The following KIRREL1 variants were observed in gnomAD, a reference collection of about 807,000 sequenced individuals.
The protein encoded by KIRREL1 is kirre like nephrin family adhesion molecule 1.
In KIRREL1, 25 loss-of-function variants were observed where a neutral mutation model predicts 83.3. The observed-to-expected ratio is 0.30, with a 90% CI of 0.22 to 0.42. The LOEUF (loss-of-function observed/expected upper bound fraction) is 0.42. Ranked by LOEUF, KIRREL1 falls within the 10% of genes least tolerant of loss-of-function variation. The probability of loss-of-function intolerance (pLI) is 1.00; values close to 1 mark genes in which losing one functional copy is unlikely to be tolerated. For missense variants in KIRREL1, 812 were observed against 1,032.3 expected (o/e 0.79, Z 2.92); for synonymous variants, 388 against 410.4 (o/e 0.95, Z 0.66).
intron 3 of KIRREL1, among the ~76,000 whole-genome samples, chr1:158,083,385 G>A (rs1570990622): frequency 6.6e-6 from 1 of 152,252 alleles, no homozygotes. Flanking sequence ...GCTACAGCAT[G>A]GAAAGCCTTG....
At chr1:158,029,366 T>TGTGTGTGTGTGTGTGTGCGCGCGCGC (rs1553238087) in intron 1 of KIRREL1, among the ~76,000 whole-genome samples, 6 of 148,930 alleles carry the variant, frequency 4.0e-5, no homozygotes, top group African/African-American at 1.5e-4. Flanking sequence ...TGTGTGTGTG[T>TGTGTGTGTGTGTGTGTGCGCGCGCGC]GCACGTGCGC....
Position 158,094,410 on chromosome 1 carries a change from C to T in KIRREL1, c.1797+20C>T. ...ATGAAGGTGGGAAAGGGGGAAGGGG[C>T]CAGGGCATGAGGGCTGGTGGGCCAG... On this transcript the variant is annotated intron_variant, in intron 14 of 14. Transcript: ENST00000359209. The surrounding 1 kb of genome is among the most constrained non-coding windows in gnomAD (Gnocchi z 4.6). 1 of 1,608,800 alleles carries T rather than the reference C, an allele frequency of 6.2e-7. No homozygotes were observed. The highest frequency in any genetic ancestry group is 8.5e-7 in the Non-Finnish European group (1 of 1,176,924).
chr1:158,011,567 G>A (rs1659688105), intron 1 of KIRREL1, among the ~76,000 whole-genome samples: 1 of 152,198 alleles, frequency 6.6e-6, no homozygotes, highest in African/African-American at 2.4e-5. Context: ...GAGGCCTAGG[G>A]GAAGTAGAGG....
chr1:158,014,077 G>A (rs1245878530), intron 1 of KIRREL1, among the ~76,000 whole-genome samples: 1 of 152,068 alleles, frequency 6.6e-6, no homozygotes, highest in Non-Finnish European at 1.5e-5. Context: ...AGAGGGCTTA[G>A]TAAGAAGGCA....
At chr1:158,003,608 C>T (rs575763034) in intron 1 of KIRREL1, among the ~76,000 whole-genome samples, 3 of 152,240 alleles carry the variant, frequency 2.0e-5, no homozygotes, top group East Asian at 1.9e-4. Context: ...GTGCTGCCAG[C>T]GCCAGAACCC....
intron 1 of KIRREL1, among the ~76,000 whole-genome samples, chr1:158,073,567 T>G (rs1661581198): frequency 6.6e-6 from 1 of 152,190 alleles, no homozygotes; most frequent in African/African-American, 2.4e-5. Flanking sequence ...CCAAGGTCAC[T>G]GGGTGAGAAA....
intron 10 of KIRREL1, 134 bp downstream of exon 10, chr1:158,089,952 G>T (rs1226403104): frequency 4.2e-6 from 3 of 721,892 alleles, no homozygotes; most frequent in Admixed American, 2.1e-5. Context: ...TCTGCTTTCT[G>T]TCCCTCTGTC....
At chr1:158,014,178 G>T (rs1466072621) in intron 1 of KIRREL1, among the ~76,000 whole-genome samples, 1 of 151,960 alleles carries the variant, frequency 6.6e-6, no homozygotes, top group Non-Finnish European at 1.5e-5. Context: ...TAAAGGGAAG[G>T]GGGAGATGAG....
chr1:158,002,706 A>T (rs1473650289), intron 1 of KIRREL1, among the ~76,000 whole-genome samples: 1 of 152,168 alleles, frequency 6.6e-6, no homozygotes, highest in Admixed American at 6.5e-5. Flanking sequence ...TATGTGAAAA[A>T]TGCTGAAGCC....
chr1:158,093,836 T>C, intron 13 of KIRREL1, 74 bp downstream of exon 13: 4 of 1,541,368 alleles, frequency 2.6e-6, no homozygotes, highest in Non-Finnish European at 3.6e-6. Context: ...AGATCTCTAA[T>C]AACCGCGGTC....
chr1:158,029,379 G>GCA (rs1660262608), intron 1 of KIRREL1, among the ~76,000 whole-genome samples: 2 of 151,206 alleles, frequency 1.3e-5, no homozygotes, highest in Admixed American at 6.6e-5. Flanking sequence ...ACGTGCGCGC[G>GCA]CATGCACACA....
chr1:158,048,976 G>A (rs1315790569), intron 1 of KIRREL1, among the ~76,000 whole-genome samples: 3 of 152,214 alleles, frequency 2.0e-5, no homozygotes, highest in African/African-American at 7.2e-5. Context: ...AGCTCAGAGA[G>A]TCCAGAGAAG....
intron 1 of KIRREL1, among the ~76,000 whole-genome samples, chr1:158,034,579 C>A (rs1407435450): frequency 6.6e-6 from 1 of 152,166 alleles, no homozygotes; most frequent in African/African-American, 2.4e-5. Flanking sequence ...TCTCCTCTCG[C>A]CAGCTGTGAG....
At chr1:158,060,443 G>C (rs1234055653) in intron 1 of KIRREL1, among the ~76,000 whole-genome samples, 1 of 152,072 alleles carries the variant, frequency 6.6e-6, no homozygotes, top group Non-Finnish European at 1.5e-5. Context: ...GCTGAGTTCT[G>C]CTTATTACTC....
chr1:158,049,003 A>C (rs1210918141), intron 1 of KIRREL1, among the ~76,000 whole-genome samples: 1 of 152,228 alleles, frequency 6.6e-6, no homozygotes, highest in Non-Finnish European at 1.5e-5. Flanking sequence ...GGTGGGGCTT[A>C]TCGGGAAAGG....
At chr1:158,054,766 C>T (rs1464023481) in intron 1 of KIRREL1, among the ~76,000 whole-genome samples, 1 of 152,174 alleles carries the variant, frequency 6.6e-6, no homozygotes, top group African/African-American at 2.4e-5. Flanking sequence ...TAGAATTCCT[C>T]ATATTCTATC....
chr1:158,038,637 CTT>C (rs1354970843), intron 1 of KIRREL1, among the ~76,000 whole-genome samples: 1 of 152,142 alleles, frequency 6.6e-6, no homozygotes, highest in African/African-American at 2.4e-5. Context: ...TTCTCTTCCT[CTT>C]TTAAGGAATG....
At chr1:158,018,673 TA>T (rs1347427529) in intron 1 of KIRREL1, among the ~76,000 whole-genome samples, 1 of 151,790 alleles carries the variant, frequency 6.6e-6, no homozygotes, top group African/African-American at 2.4e-5. Flanking sequence ...GAAGCAAACA[TA>T]AAGCTGGACA....
chr1:158,084,532 A>G lies in KIRREL1; in HGVS notation c.463A>G (p.Ile155Val), dbSNP rs981182792. ...CAATGCGAAGCCTGCTGCCACCATC[A>G]TCTGGTTCCGGGACGGGACGCAGCA... ...AFNAKPAATI[I>V]WFRDGTQQEG... The change falls in exon 4 of 15, where the codon ATC becomes GTC. Residue 155 changes from isoleucine (I) to valine (V), a missense_variant. Physicochemically the swap from Ile to Val is conservative, Grantham distance 29 (BLOSUM62 3). Transcript: ENST00000359209. 3.9e-6 allele frequency: 6 copies of G among 1,551,614 alleles called. No homozygotes were observed. Among genetic ancestry groups the G allele is most frequent in the Non-Finnish European group, 5.2e-6 (6 of 1,147,006 alleles).
Sources: gnomAD v4.1 joint callset for allele counts (sites outside exome capture counted in the v4.1 genomes callset) on GRCh38, gnomAD v4.1.1 for gene constraint, Gnocchi (gnomAD v3.1) non-coding constraint, MANE v1.5 for transcripts, NCBI Gene and HGNC (gene_info 2026-07-23, HGNC 2026-07-21) for gene names.